Variants in MANSC1 observed in about 807,000 individuals in gnomAD.
The protein encoded by MANSC1 is MANSC domain-containing protein 1.
Under a neutral mutation model 14.1 loss-of-function variants are expected in MANSC1, and 13 were observed. The ratio of observed to expected loss-of-function variants is 0.92; its 90% CI spans 0.60 to 1.46. MANSC1 has a LOEUF of 1.46. Among genes scored for constraint, MANSC1 ranks in the 40% most tolerant of loss-of-function variants. MANSC1 has a pLI of 0.00. For missense variants in MANSC1, 486 were observed against 511.4 expected, an observed-to-expected ratio of 0.95 and a Z score of 0.48; for synonymous variants, 227 against 200.7, an observed-to-expected ratio of 1.13 and a Z score of -1.11.
intron 3 of MANSC1, among the ~76,000 whole-genome samples, chr12:12,331,861 T>C (rs1458945300): frequency 6.6e-6 from 1 of 152,146 alleles, no homozygotes; most frequent in African/African-American, 2.4e-5. Context: ...GGAGATTTCA[T>C]TTGGACTCTC....
chr12:12,337,060 C>T (rs1048619813), intron 3 of MANSC1, among the ~76,000 whole-genome samples: 7 of 150,948 alleles, frequency 4.6e-5, no homozygotes, highest in African/African-American at 1.7e-4. Context: ...CACCTGAGGT[C>T]AGGAGGTGAG....
rs1358210960 is a variant in MANSC1 at position 12,329,359 on chromosome 12, T to G, written c.*668A>C. 6.6e-6 allele frequency: 1 copy of G among 152,146 alleles called. No homozygotes were observed. The highest frequency in any genetic ancestry group is 1.5e-5 in the Non-Finnish European group (1 of 68,028). The allele number at this position is 152,146 out of a possible 1,614,324, so 9.4% of individuals were successfully genotyped here. ...CATATAAAAAGAAAAGCAAATCCAT[T>G]AGAAATTGATATAAACAGTTGATTT... On this transcript the variant is annotated 3_prime_UTR_variant, in exon 4 of 4. Coordinates refer to ENST00000535902, the MANE Select transcript of MANSC1 (RefSeq NM_018050.4).
At chr12:12,334,638 C>T (rs1462592618) in intron 3 of MANSC1, among the ~76,000 whole-genome samples, 1 of 152,186 alleles carries the variant, frequency 6.6e-6, no homozygotes, top group Non-Finnish European at 1.5e-5. Flanking sequence ...CACACTCGCC[C>T]TAAAAAGATT....
chr12:12,335,339 C>CTTT (rs60014261), intron 3 of MANSC1, among the ~76,000 whole-genome samples: 61,084 of 147,516 alleles, frequency 0.41, 13,891 homozygotes, highest in Middle Eastern at 0.59. Context: ...GAGAAATCAC[C>CTTT]TTTTTTTTTT....
intron 3 of MANSC1, among the ~76,000 whole-genome samples, chr12:12,331,523 C>T (rs1039821734): frequency 4.6e-5 from 7 of 152,042 alleles, no homozygotes; most frequent in Non-Finnish European, 8.8e-5. Flanking sequence ...AGGGAGAATG[C>T]GGGGGAAGGT....
intron 1 of MANSC1, among the ~76,000 whole-genome samples, chr12:12,345,115 T>C (rs921249402): frequency 1.4e-5 from 2 of 148,068 alleles, no homozygotes; most frequent in African/African-American, 5.0e-5. Context: ...AGGTCAGGAG[T>C]TCGACACCAG....
rs375298595 is a variant in MANSC1 at position 12,330,831 on chromosome 12, G to A, written c.492C>T (p.Thr164=). 213 of 1,613,968 alleles carry A rather than the reference G, an allele frequency of 1.3e-4. No individual in the cohort carries two copies. The highest frequency in any genetic ancestry group is 1.1e-3 in the Admixed American group (64 of 60,000). ...AAAGTGTGTCTCTCCATGAGATATC[G>A]GTGGGCTTTGAATAATCTGTGTGAT... is the stretch of plus-strand genomic sequence containing the variant. ...AHHHTDYSKP[T]DISWRDTLSQ... The change falls in exon 4 of 4, where the codon ACC becomes ACT. Residue 164 remains threonine, a synonymous_variant. Transcript: ENST00000535902.
At chr12:12,344,617 A>G (rs532924204) in intron 1 of MANSC1, among the ~76,000 whole-genome samples, 4 of 151,458 alleles carry the variant, frequency 2.6e-5, no homozygotes, top group Admixed American at 2.6e-4. Context: ...CTACAGACGC[A>G]TGCCACCACG....
chr12:12,332,136 T>C (rs1285234472), intron 3 of MANSC1, among the ~76,000 whole-genome samples: 1 of 152,196 alleles, frequency 6.6e-6, no homozygotes, highest in Admixed American at 6.5e-5. Context: ...TGAATTGCCA[T>C]GTATCACTCT....
Position 12,334,948 on chromosome 12 carries a change from C to A in MANSC1, c.364+3472G>T, listed in dbSNP as rs80306112. On this transcript the variant is annotated intron_variant, in intron 3 of 3. Transcript: ENST00000535902. ...AACACGCAGGCACCCTGGGCAGTAT[C>A]ATTCCCCGAAGCCCCTCATACTTAA... 2.3e-3 allele frequency among the ~76,000 whole-genome samples: 350 copies of A among 152,274 alleles called. 1 individual carries two copies. In the Middle Eastern group the frequency reaches 0.027, roughly 12 times the overall value.
intron 3 of MANSC1, among the ~76,000 whole-genome samples, chr12:12,335,188 A>G (rs981547752): frequency 6.6e-6 from 1 of 151,814 alleles, no homozygotes; most frequent in Admixed American, 6.6e-5. Context: ...AATAGCCCAT[A>G]TGTCCACTAC....
At chr12:12,344,932 TA>T (rs1862988425) in intron 1 of MANSC1, among the ~76,000 whole-genome samples, 1 of 63,278 alleles carries the variant, frequency 1.6e-5, no homozygotes, top group Admixed American at 1.5e-4. Context: ...TATATATATA[TA>T]TATATATATA....
intron 1 of MANSC1, among the ~76,000 whole-genome samples, chr12:12,344,876 G>A (rs1385641343): frequency 6.8e-5 from 9 of 132,760 alleles, no homozygotes; most frequent in Non-Finnish European, 1.3e-4. Context: ...GGCCTATTGT[G>A]GGGCCTTGTG....
chr12:12,343,327 T>G lies in MANSC1; in HGVS notation c.-13A>C. 2 of 1,604,446 alleles carry G rather than the reference T, an allele frequency of 1.2e-6. No homozygotes were observed. Among genetic ancestry groups the G allele is most frequent in the Non-Finnish European group, 8.5e-7 (1 of 1,171,510 alleles). On this transcript the variant is annotated 5_prime_UTR_variant, in exon 2 of 4. Coordinates refer to ENST00000535902, the MANE Select transcript of MANSC1 (RefSeq NM_018050.4). ...CCCCGAAGAACATTTTAAATTTCAG[T>G]TTAGTTTTGGTCTTCAAAGGTCAAG...
At position 12,330,791 on chromosome 12, in the gene MANSC1, A is replaced by T; in HGVS notation, c.532T>A (p.Ser178Thr). The change falls in exon 4 of 4, where the codon TCC (serine) becomes ACC (threonine). Residue 178 changes from serine to threonine, a missense_variant. Transcript: ENST00000535902. ...AATAGTTTCTCCAAGTGATCTGAGG[A>T]TCCAAACTTCTGAGAAAGTGTGTCT... Reference protein sequence around the residue: ...WRDTLSQKFGSSDHLEKLFKM... With the variant: ...WRDTLSQKFGTSDHLEKLFKM... 2 of 1,614,094 alleles carry T rather than the reference A, an allele frequency of 1.2e-6. No individual in the cohort carries two copies. Among genetic ancestry groups the T allele is most frequent in the Non-Finnish European group, 8.5e-7 (1 of 1,180,034 alleles).
At chr12:12,342,506 A>C (rs1458411086) in intron 2 of MANSC1, among the ~76,000 whole-genome samples, 1 of 151,286 alleles carries the variant, frequency 6.6e-6, no homozygotes, top group Non-Finnish European at 1.5e-5. Flanking sequence ...CTGTGTCATG[A>C]AAATGGGCCA....
At chr12:12,335,842 CAA>C (rs202106732) in intron 3 of MANSC1, among the ~76,000 whole-genome samples, 3 of 131,408 alleles carry the variant, frequency 2.3e-5, no homozygotes, top group East Asian at 2.3e-4. Flanking sequence ...GACTCCATCT[CAA>C]AAAAAAAATA....
intron 2 of MANSC1, chr12:12,339,245 T>G (rs1285182734): frequency 6.5e-6 from 1 of 152,844 alleles, no homozygotes; most frequent in Non-Finnish European, 1.5e-5. Context: ...CCTACAAAAC[T>G]GGGATTATTT....
chr12:12,349,555 A>G (rs1005717864), intron 1 of MANSC1, among the ~76,000 whole-genome samples: 2 of 152,202 alleles, frequency 1.3e-5, no homozygotes, highest in Non-Finnish European at 2.9e-5. Context: ...AAAAGGATAC[A>G]GGCGGGTGAG....
Sources: gnomAD v4.1 joint callset for allele counts (sites outside exome capture counted in the v4.1 genomes callset) on GRCh38, gnomAD v4.1.1 for gene constraint, MANE v1.5 for transcripts, NCBI Gene and HGNC (gene_info 2026-07-23, HGNC 2026-07-21) for gene names.